Variants in IST1 observed in about 807,000 individuals in gnomAD.
The protein encoded by IST1 is IST1 homolog.
A neutral mutation model predicts 37.0 loss-of-function variants in IST1; 23 were observed. That is an observed-to-expected ratio of 0.62 (90% CI 0.45 to 0.88). IST1 has a LOEUF of 0.88. IST1 is among the 40% of genes least tolerant of loss of function. IST1 has a pLI of 0.00. For missense variants in IST1, 488 were observed against 445.4 expected (o/e 1.10, Z -0.86); for synonymous variants, 180 against 161.7 (o/e 1.11, Z -0.86).
chr16:71,905,827 T>C (rs890280223), intron 1 of IST1, among the ~76,000 whole-genome samples: 2 of 152,230 alleles, frequency 1.3e-5, no homozygotes, highest in Non-Finnish European at 2.9e-5. Flanking sequence ...TTTACATACA[T>C]TGAAAGCTCT....
intron 4 of IST1, among the ~76,000 whole-genome samples, chr16:71,919,676 G>A (rs1446656429): frequency 2.0e-5 from 3 of 152,238 alleles, no homozygotes; most frequent in Non-Finnish European, 2.9e-5. Flanking sequence ...ACAGGCATGA[G>A]CCACGATGCC....
intron 1 of IST1, among the ~76,000 whole-genome samples, chr16:71,911,859 G>T (rs1434619398): frequency 6.6e-6 from 1 of 151,908 alleles, no homozygotes; most frequent in South Asian, 2.1e-4. Context: ...TGGAACTACA[G>T]GCTCGCACCA....
Position 71,929,471 on chromosome 16 carries a change from AGCTAT to A in IST1, c.*1661_*1665del, listed in dbSNP as rs1400158922. 1 of 1,388,182 alleles carries A rather than the reference AGCTAT, an allele frequency of 7.2e-7. No individual in the cohort carries two copies. Among genetic ancestry groups the A allele is most frequent in the Non-Finnish European group, 9.6e-7 (1 of 1,038,852 alleles). 86.0% of individuals were successfully genotyped at this position (1,388,182 alleles called of 1,614,324 possible). On this transcript the variant is annotated 3_prime_UTR_variant, in exon 10 of 10. Transcript: ENST00000378799. ...AAAACAAAGTATATTATAATTTTAA[AGCTAT>A]GCCATGCAAAGATAAGTAGTAATAC...
intron 1 of IST1, among the ~76,000 whole-genome samples, chr16:71,898,755 G>T (rs1296529698): frequency 1.3e-5 from 2 of 151,736 alleles, no homozygotes; most frequent in African/African-American, 4.8e-5. Flanking sequence ...AAGGCGGGCA[G>T]ATCAGGACAT....
Position 71,928,907 on chromosome 16 carries a change from A to G in IST1, c.*1094A>G. On this transcript the variant is annotated 3_prime_UTR_variant, in exon 10 of 10. Coordinates refer to ENST00000378799, the MANE Select transcript of IST1 (RefSeq NM_001270975.2). ...GATACAGCTTTTGCTTCTGTGTAGT[A>G]TACCTGTACATACTTGTTTCAGGCA... 1 of 152,358 alleles carries G rather than the reference A, an allele frequency of 6.6e-6. No individual in the cohort carries two copies. 9.4% of individuals were successfully genotyped at this position (152,358 alleles called of 1,614,324 possible).
intron 1 of IST1, among the ~76,000 whole-genome samples, chr16:71,900,327 CTTTTTTTTTTTT>C (rs201344260): frequency 0.29 from 29,703 of 101,560 alleles, 3,877 homozygotes; most frequent in Middle Eastern, 0.37. Context: ...CTTAGGAAGT[CTTTTTTTTTTTT>C]TTTTTTTTTT....
intron 1 of IST1, among the ~76,000 whole-genome samples, chr16:71,896,987 GAAATT>G (rs987597725): frequency 7.4e-6 from 1 of 134,872 alleles, no homozygotes; most frequent in Non-Finnish European, 1.6e-5. Context: ...AAAAAAAAAA[GAAATT>G]AAAACACTTC....
At chr16:71,920,709 A>C (rs76441296) in intron 4 of IST1, 30 bp from the exon 5 acceptor site, 2 of 1,545,912 alleles carry the variant, frequency 1.3e-6, no homozygotes, top group African/African-American at 1.4e-5. Flanking sequence ...AGTGGTCTCT[A>C]TTTTTATTTG....
chr16:71,917,074 T>C lies in IST1; in HGVS notation c.297T>C (p.Ser99=). 6 of 1,611,170 alleles carry C rather than the reference T, an allele frequency of 3.7e-6. No individual in the cohort carries two copies. The highest frequency in any genetic ancestry group is 5.1e-6 in the Non-Finnish European group (6 of 1,178,674). Residue 99 remains serine, a synonymous_variant, in exon 4 of 10, where the codon TCT becomes TCC. Coordinates refer to ENST00000378799, the MANE Select transcript of IST1 (RefSeq NM_001270975.2). ...AACTAGATTCTGGTCTGGCTGAATC[T>C]GTGTCTACATTGATCTGGGCTGCTC... is the stretch of plus-strand genomic sequence containing the variant. ...MKELDSGLAE[S]VSTLIWAAPR...
rs1328836533 is a variant in IST1 at position 71,928,555 on chromosome 16, A to T, written c.*742A>T. 4.6e-5 allele frequency: 7 copies of T among 152,460 alleles called. No homozygotes were observed. Among genetic ancestry groups the T allele is most frequent in the Non-Finnish European group, 5.9e-5 (4 of 68,038 alleles). The allele number at this position is 152,460 out of a possible 1,614,324, so 9.4% of individuals were successfully genotyped here. ...GGAAATTCTGTTTTCCCTGTAGCAT[A>T]TTGTGTTGGATTGCATTACTGGCAG... On this transcript the variant is annotated 3_prime_UTR_variant, in exon 10 of 10. Coordinates refer to ENST00000378799, the MANE Select transcript of IST1 (RefSeq NM_001270975.2).
intron 1 of IST1, among the ~76,000 whole-genome samples, chr16:71,906,384 T>C (rs1424549293): frequency 6.6e-6 from 1 of 152,128 alleles, no homozygotes; most frequent in Non-Finnish European, 1.5e-5. Flanking sequence ...CTCAGCTCAC[T>C]GCAGCCTCTA....
intron 1 of IST1, among the ~76,000 whole-genome samples, chr16:71,895,817 C>T (rs2036954030): frequency 6.6e-6 from 1 of 152,216 alleles, no homozygotes; most frequent in Non-Finnish European, 1.5e-5. Context: ...CGTGGCAGGG[C>T]CGCGAGCGGG....
intron 1 of IST1, among the ~76,000 whole-genome samples, chr16:71,905,506 G>A (rs1040730165): frequency 6.6e-6 from 1 of 151,468 alleles, no homozygotes; most frequent in Non-Finnish European, 1.5e-5. Flanking sequence ...AGCCTCCCTA[G>A]TAGCTGGGAT....
At chr16:71,895,080 C>A, upstream of IST1, 2 of 407,856 alleles carry the variant, frequency 4.9e-6, no homozygotes, top group Non-Finnish European at 9.0e-6. Flanking sequence ...GGCTTCGAAA[C>A]CCCCTCGGCC....
intron 9 of IST1, among the ~76,000 whole-genome samples, chr16:71,926,350 G>T (rs1247215963): frequency 1.4e-5 from 2 of 142,454 alleles, no homozygotes; most frequent in African/African-American, 2.6e-5. Context: ...AAAACTCATA[G>T]TTTTTTTTTT....
intron 6 of IST1, among the ~76,000 whole-genome samples, chr16:71,922,148 AAAC>A (rs975902381): frequency 6.6e-6 from 1 of 152,114 alleles, no homozygotes; most frequent in Non-Finnish European, 1.5e-5. Context: ...TCAAAAAAAA[AAAC>A]CATCCGCCAG....
intron 8 of IST1, among the ~76,000 whole-genome samples, chr16:71,923,706 C>A (rs1451078151): frequency 5.3e-5 from 8 of 152,176 alleles, no homozygotes; most frequent in Admixed American, 6.5e-5. Flanking sequence ...TGAGCTGATA[C>A]AATCGTGGTG....
chr16:71,901,981 A>T (rs912173621), intron 1 of IST1, among the ~76,000 whole-genome samples: 1 of 152,360 alleles, frequency 6.6e-6, no homozygotes, highest in South Asian at 2.1e-4. Context: ...TTATTTTAAC[A>T]TAAAACACAC....
At chr16:71,911,710 A>ATTTTT (rs550809762) in intron 1 of IST1, among the ~76,000 whole-genome samples, 1 of 90,894 alleles carries the variant, frequency 1.1e-5, no homozygotes, top group African/African-American at 4.2e-5. Context: ...TTAAACTTCG[A>ATTTTT]TTTTTTTTTT....
Sources: gnomAD v4.1 joint callset for allele counts (sites outside exome capture counted in the v4.1 genomes callset) on GRCh38, gnomAD v4.1.1 for gene constraint, MANE v1.5 for transcripts, NCBI Gene and HGNC (gene_info 2026-07-23, HGNC 2026-07-21) for gene names.